Variants in SEL1L2 observed in about 807,000 individuals in gnomAD.
SEL1L2 encodes SEL1L2 adaptor subunit of SYVN1 ubiquitin ligase, also known as protein sel-1 homolog 2.
SEL1L2 carries 89 observed loss-of-function variants against 98.8 expected under a neutral mutation model. That is an observed-to-expected ratio of 0.90 (90% CI 0.76 to 1.07). The LOEUF (loss-of-function observed/expected upper bound fraction) is 1.07, where lower values mean the gene tolerates loss of function less well. Among genes scored for constraint, SEL1L2 ranks in the 50% least tolerant of loss-of-function variants. SEL1L2 has a pLI of 0.00. For synonymous variants in SEL1L2, 262 were observed against 278.5 expected, an observed-to-expected ratio of 0.94 and a Z score of 0.59; for missense variants, 788 against 812.0, an observed-to-expected ratio of 0.97 and a Z score of 0.36.
chr20:13,994,859 C>T (rs2052604072), upstream of SEL1L2, among the ~76,000 whole-genome samples: 1 of 152,230 alleles, frequency 6.6e-6, no homozygotes. Context: ...TTGAGTATCG[C>T]AGTCTACATT....
chr20:13,853,875 T>C (rs553904826), intron 18 of SEL1L2, among the ~76,000 whole-genome samples: 2 of 152,332 alleles, frequency 1.3e-5, no homozygotes, highest in Admixed American at 6.5e-5. Context: ...TCGTTACTTG[T>C]AGAAATTTGT....
intron 5 of SEL1L2, among the ~76,000 whole-genome samples, chr20:13,893,213 C>T (rs2047277922): frequency 6.6e-6 from 1 of 152,184 alleles, no homozygotes; most frequent in African/African-American, 2.4e-5. Flanking sequence ...TTCCAACTCC[C>T]ACCTCAGGTC....
upstream of SEL1L2, chr20:13,995,243 C>G (rs2052614273): frequency 5.5e-6 from 1 of 181,796 alleles, no homozygotes; most frequent in Non-Finnish European, 1.1e-5. This position sits in a 1 kb window ranked among gnomAD's most constrained non-coding sequence, Gnocchi z 4.3. Flanking sequence ...GCGTCGGCTT[C>G]ACGCCGCGCC....
chr20:13,988,916 G>T (rs1569096957), intron 1 of SEL1L2, among the ~76,000 whole-genome samples: 1 of 152,162 alleles, frequency 6.6e-6, no homozygotes, highest in Non-Finnish European at 1.5e-5. Flanking sequence ...GGGAGGCTGA[G>T]GCAGGAGAAC....
chr20:13,900,555 C>T (rs1417531074), intron 5 of SEL1L2, among the ~76,000 whole-genome samples: 1 of 152,042 alleles, frequency 6.6e-6, no homozygotes, highest in African/African-American at 2.4e-5. Context: ...TGAACTTTGG[C>T]GAACTCTTAT....
At chr20:13,866,976 A>G in intron 14 of SEL1L2, 126 bp from the exon 15 acceptor site, 2 of 898,650 alleles carry the variant, frequency 2.2e-6, no homozygotes, top group Non-Finnish European at 3.1e-6. Context: ...CCAAAAGTCA[A>G]GCTACTCTAA....
intron 5 of SEL1L2, among the ~76,000 whole-genome samples, chr20:13,911,512 C>T (rs17191263): frequency 0.18 from 27,003 of 151,990 alleles, 3,068 homozygotes; most frequent in South Asian, 0.35. Context: ...TAAGCAAATA[C>T]GGGGAATGAA....
chr20:13,983,043 A>AAAAAAAAAAAAAAAAAAAAAAAC (rs1390544671), intron 1 of SEL1L2, among the ~76,000 whole-genome samples: 2 of 144,138 alleles, frequency 1.4e-5, no homozygotes, highest in Non-Finnish European at 3.0e-5. Flanking sequence ...AAAAAAAAAA[A>AAAAAAAAAAAAAAAAAAAAAAAC]AAAAAGCAGC....
At chr20:13,913,995 TCTC>T in intron 4 of SEL1L2, 51 bp from the exon 5 acceptor site, 1 of 1,489,782 alleles carries the variant, frequency 6.7e-7, no homozygotes, top group South Asian at 1.3e-5. Flanking sequence ...GAAATTTTCT[TCTC>T]CTTCTTCAAC....
At chr20:13,876,851 T>C (rs1381050961) in intron 11 of SEL1L2, among the ~76,000 whole-genome samples, 1 of 151,880 alleles carries the variant, frequency 6.6e-6, no homozygotes, top group Non-Finnish European at 1.5e-5. Context: ...GGAGACGGAG[T>C]CTCCCTCTGT....
chr20:13,927,899 G>C (rs555749410), intron 3 of SEL1L2: 2 of 152,286 alleles, frequency 1.3e-5, no homozygotes, highest in African/African-American at 4.8e-5. Flanking sequence ...AATAGGTACT[G>C]TTCCCAAGCT....
chr20:13,906,122 C>T (rs1025818448), intron 5 of SEL1L2, among the ~76,000 whole-genome samples: 9 of 152,014 alleles, frequency 5.9e-5, no homozygotes, highest in Admixed American at 2.6e-4. Context: ...ATGATCTGCC[C>T]GCCTCAGCCT....
chr20:13,871,461 C>T (rs1228963750), intron 12 of SEL1L2, among the ~76,000 whole-genome samples: 3 of 151,904 alleles, frequency 2.0e-5, no homozygotes, highest in African/African-American at 4.8e-5. Context: ...TGTCCTATCA[C>T]GCATTTCACC....
intron 1 of SEL1L2, among the ~76,000 whole-genome samples, chr20:13,960,690 G>A (rs2050738226): frequency 1.3e-5 from 2 of 152,062 alleles, no homozygotes; most frequent in African/African-American, 4.8e-5. Flanking sequence ...AAACATTGGT[G>A]ATTGCTAGAG....
intron 2 of SEL1L2, among the ~76,000 whole-genome samples, chr20:13,945,804 T>C (rs1221201432): frequency 6.6e-6 from 1 of 152,270 alleles, no homozygotes; most frequent in East Asian, 1.9e-4. Context: ...TTATGTAATA[T>C]GTCACATTAA....
intron 2 of SEL1L2, among the ~76,000 whole-genome samples, chr20:13,948,231 T>C (rs1396756111): frequency 6.6e-6 from 1 of 150,684 alleles, no homozygotes; most frequent in Non-Finnish European, 1.5e-5. Context: ...AAAATCCCAA[T>C]GGCTTTTTTT....
chr20:13,861,173 T>A (rs6074655), intron 17 of SEL1L2, among the ~76,000 whole-genome samples: 41,700 of 151,926 alleles, frequency 0.27, 5,976 homozygotes, highest in South Asian at 0.37. Flanking sequence ...TCTTTTTTTT[T>A]ATTTTTATTT....
intron 5 of SEL1L2, among the ~76,000 whole-genome samples, chr20:13,892,193 T>C (rs1406747883): frequency 1.3e-5 from 2 of 152,184 alleles, no homozygotes; most frequent in Admixed American, 1.3e-4. Flanking sequence ...CTCATGCCTG[T>C]AATCCCAGCA....
chr20:13,956,102 GTCTT>G lies in SEL1L2; in HGVS notation c.84_87del (p.Lys28AsnfsTer13), dbSNP rs754725813. 4 of 1,560,870 alleles carry G rather than the reference GTCTT, an allele frequency of 2.6e-6. No individual in the cohort carries two copies. Among genetic ancestry groups the G allele is most frequent in the Non-Finnish European group, 3.5e-6 (4 of 1,147,160 alleles). ...TGTGTGGTGACATTTCTTTCCTTTT[GTCTT>G]TTATTATGTTCCTCTGCTTTGATAG... On this transcript the variant is annotated frameshift_variant, in exon 2 of 20. Coordinates refer to ENST00000284951, the MANE Select transcript of SEL1L2 (RefSeq NM_025229.2). LOFTEE classifies it high-confidence loss of function.
Sources: gnomAD v4.1 joint callset for allele counts (sites outside exome capture counted in the v4.1 genomes callset) on GRCh38, gnomAD v4.1.1 for gene constraint, Gnocchi (gnomAD v3.1) non-coding constraint, MANE v1.5 for transcripts, NCBI Gene and HGNC (gene_info 2026-07-23, HGNC 2026-07-21) for gene names.